USP31: variants seen among roughly 807,000 people sequenced by gnomAD.
USP31 encodes the protein ubiquitin carboxyl-terminal hydrolase 31.
In USP31, 44 loss-of-function variants were observed where a neutral mutation model predicts 119.4. That is an observed-to-expected ratio of 0.37 (90% CI 0.29 to 0.47). The LOEUF (loss-of-function observed/expected upper bound fraction) is 0.47. Among genes scored for constraint, USP31 ranks in the 20% least tolerant of loss-of-function variants. USP31 has a pLI of 0.99. For synonymous variants in USP31, 749 were observed against 705.6 expected (o/e 1.06, Z -0.97); for missense variants, 1,643 against 1,730.2 (o/e 0.95, Z 0.89).
Position 23,065,726 on chromosome 16 carries a change from G to A in USP31, c.*2320C>T, listed in dbSNP as rs565723154. 1 of 151,690 alleles carries A rather than the reference G, an allele frequency of 6.6e-6. No individual in the cohort carries two copies. Among genetic ancestry groups the A allele is most frequent in the South Asian group, 2.1e-4 (1 of 4,808 alleles). The allele number at this position is 151,690 out of a possible 1,614,324, so 9.4% of individuals were successfully genotyped here. A position where few individuals can be genotyped will look rare whatever the true frequency, so the allele number is the denominator to read the frequency against. ...TTTTTTTTTTAAGTCACTAGACATC[G>A]TGGAAAATCCATTCCTAGATAACTC... On this transcript the variant is annotated 3_prime_UTR_variant, in exon 16 of 16. Coordinates refer to ENST00000219689, the MANE Select transcript of USP31 (RefSeq NM_020718.4).
At chr16:23,086,409 ATATG>A (rs146620324) in intron 9 of USP31, among the ~76,000 whole-genome samples, 9,129 of 152,168 alleles carry the variant, frequency 0.06, 374 homozygotes, top group Non-Finnish European at 0.08. Context: ...TAGTGTGTAT[ATATG>A]TATATTATTT....
intron 1 of USP31, among the ~76,000 whole-genome samples, chr16:23,114,466 A>G (rs1166734766): frequency 2.0e-5 from 3 of 152,134 alleles, no homozygotes; most frequent in Non-Finnish European, 2.9e-5. Context: ...AAAAAAAAAA[A>G]AAAGAAAGTT....
intron 12 of USP31, among the ~76,000 whole-genome samples, chr16:23,080,746 G>A (rs1900784442): frequency 2.0e-5 from 3 of 152,190 alleles, no homozygotes; most frequent in Admixed American, 2.0e-4. Context: ...GATAATGACT[G>A]AATGTTTCCT....
At chr16:23,129,546 A>G (rs1265483968) in intron 1 of USP31, among the ~76,000 whole-genome samples, 1 of 152,188 alleles carries the variant, frequency 6.6e-6, no homozygotes, top group Non-Finnish European at 1.5e-5. Flanking sequence ...ATAAAGGCAA[A>G]GGTTATACAG....
At chr16:23,117,745 CCTTTT>C (rs1596723922) in intron 1 of USP31, among the ~76,000 whole-genome samples, 2 of 136,478 alleles carry the variant, frequency 1.5e-5, no homozygotes, top group African/African-American at 5.3e-5. Context: ...TGATTTTTTT[CCTTTT>C]CTTTTTTTTT....
At chr16:23,125,827 T>C (rs1902834003) in intron 1 of USP31, among the ~76,000 whole-genome samples, 1 of 152,226 alleles carries the variant, frequency 6.6e-6, no homozygotes, top group Non-Finnish European at 1.5e-5. Flanking sequence ...CTTACTATTA[T>C]TCTTCTCCAG....
chr16:23,068,725 G>A lies in USP31; in HGVS notation c.3380C>T (p.Ser1127Phe), dbSNP rs751248229. 4 of 1,612,000 alleles carry A rather than the reference G, an allele frequency of 2.5e-6. No homozygotes were observed. Among genetic ancestry groups the A allele is most frequent in the Admixed American group, 3.3e-5 (2 of 59,714 alleles). The part of the protein sequence containing the change: ...SASALTYTAS[S>F]TSAKKASGPA... ...GCCCGAGGCCTTTTTGGCAGATGTG[G>A]AGGAAGCAGTGTAGGTGAGGGCCGA... is the stretch of plus-strand genomic sequence containing the variant. The change falls in exon 16 of 16, where the codon TCC (serine) becomes TTC (phenylalanine). Residue 1127 changes from serine to phenylalanine, a missense_variant. Transcript: ENST00000219689.
rs775955098 is a variant in USP31, at chr16:23,149,088, C to T, written c.183G>A (p.Val61=). 1 of 1,278,948 alleles carries T rather than the reference C, an allele frequency of 7.8e-7. No homozygotes were observed. Among genetic ancestry groups the T allele is most frequent in the South Asian group, 1.9e-5 (1 of 52,912 alleles). The allele number at this position is 1,278,948 out of a possible 1,614,324, so 79.2% of individuals were successfully genotyped here. ...SPSSPSSARS[V]GSFMSRVLKT... ...TGAGAACGCGGCTCATGAAGCTGCCCACCGAGCGTGCAGAGGAGGGCGAGG... is the reference window on the plus strand; with the variant it reads ...TGAGAACGCGGCTCATGAAGCTGCCTACCGAGCGTGCAGAGGAGGGCGAGG... The change falls in exon 1 of 16, where the codon GTG becomes GTA. Residue 61 remains valine, a synonymous_variant. Coordinates refer to ENST00000219689, the MANE Select transcript of USP31 (RefSeq NM_020718.4).
intron 15 of USP31, among the ~76,000 whole-genome samples, chr16:23,071,530 G>A (rs960872804): frequency 3.3e-5 from 5 of 151,912 alleles, no homozygotes; most frequent in Non-Finnish European, 5.9e-5. Flanking sequence ...CTATGCAAAG[G>A]CAACAACAGC....
chr16:23,131,967 C>A (rs1415783434), intron 1 of USP31, among the ~76,000 whole-genome samples: 1 of 152,194 alleles, frequency 6.6e-6, no homozygotes, highest in Non-Finnish European at 1.5e-5. Context: ...CCTATGAAAT[C>A]TTCTAAAGCG....
chr16:23,112,046 G>C (rs916684756), intron 1 of USP31, among the ~76,000 whole-genome samples: 1 of 152,172 alleles, frequency 6.6e-6, no homozygotes, highest in Non-Finnish European at 1.5e-5. Context: ...ATATCACAGA[G>C]AATATGGAGG....
At chr16:23,127,757 C>A (rs956304019) in intron 1 of USP31, among the ~76,000 whole-genome samples, 2 of 151,322 alleles carry the variant, frequency 1.3e-5, no homozygotes, top group African/African-American at 4.9e-5. Context: ...GGATTACAGG[C>A]GTGAGCCAAC....
At position 23,144,378 on chromosome 16, in the gene USP31, T is replaced by C. The variant is rs561665999; in HGVS notation, c.633+4260A>G. On this transcript the variant is annotated intron_variant, in intron 1 of 15. Coordinates refer to ENST00000219689, the MANE Select transcript of USP31 (RefSeq NM_020718.4). Reference sequence around the variant, plus strand: ...ATTCTAAGGCTGAATGTGAGCGATGTGAAAGTGAAGAATATCTGAATGAAA... The same window carrying C: ...ATTCTAAGGCTGAATGTGAGCGATGCGAAAGTGAAGAATATCTGAATGAAA... Among the ~76,000 whole-genome samples, 35 of 152,208 alleles carry C rather than the reference T, an allele frequency of 2.3e-4. 1 individual carries two copies. Among genetic ancestry groups the C allele is most frequent in the African/African-American group, 7.7e-4 (32 of 41,530 alleles).
At chr16:23,115,328 A>G (rs1200739030) in intron 1 of USP31, among the ~76,000 whole-genome samples, 1 of 152,188 alleles carries the variant, frequency 6.6e-6, no homozygotes, top group African/African-American at 2.4e-5. Context: ...CATTGCTACA[A>G]TCTGAGAAAT....
At chr16:23,072,616 A>T (rs1900394211) in intron 14 of USP31, 1 of 451,178 alleles carries the variant, frequency 2.2e-6, no homozygotes, top group South Asian at 6.0e-5. Flanking sequence ...GCGGCAGTAT[A>T]CTCTTTTTCT....
intron 1 of USP31, among the ~76,000 whole-genome samples, chr16:23,129,407 G>A (rs545055927): frequency 6.6e-6 from 1 of 152,080 alleles, no homozygotes; most frequent in South Asian, 2.1e-4. Flanking sequence ...ACTAATTAAG[G>A]AATATTAGTT....
At chr16:23,113,658 T>C (rs528732744) in intron 1 of USP31, among the ~76,000 whole-genome samples, 3 of 152,204 alleles carry the variant, frequency 2.0e-5, no homozygotes, top group Admixed American at 6.5e-5. Context: ...AGGCAAGGGT[T>C]TGAATGACTG....
intron 1 of USP31, among the ~76,000 whole-genome samples, chr16:23,142,623 T>C (rs1258052613): frequency 2.0e-5 from 3 of 152,146 alleles, no homozygotes; most frequent in African/African-American, 7.2e-5. Context: ...CTCTAGCTAG[T>C]GGGTGAACTC....
intron 1 of USP31, among the ~76,000 whole-genome samples, chr16:23,116,949 T>C (rs1415840054): frequency 1.3e-5 from 2 of 152,224 alleles, no homozygotes; most frequent in Non-Finnish European, 2.9e-5. Context: ...GAGTATCCCT[T>C]ATGCAAAATG....
Sources: gnomAD v4.1 joint callset for allele counts (sites outside exome capture counted in the v4.1 genomes callset) on GRCh38, gnomAD v4.1.1 for gene constraint, MANE v1.5 for transcripts, NCBI Gene and HGNC (gene_info 2026-07-23, HGNC 2026-07-21) for gene names.